The following ANKRD44 variants were observed in gnomAD, a reference collection of about 807,000 sequenced individuals.
ANKRD44 encodes serine/threonine-protein phosphatase 6 regulatory ankyrin repeat subunit B.
ANKRD44 carries 35 observed loss-of-function variants against 116.0 expected under a neutral mutation model. The ratio of observed to expected loss-of-function variants is 0.30; its 90% CI spans 0.23 to 0.40. ANKRD44 has a LOEUF of 0.40. ANKRD44 is among the 10% of genes least tolerant of loss of function. ANKRD44 has a pLI of 1.00. For synonymous variants in ANKRD44, 435 were observed against 461.8 expected (o/e 0.94, Z 0.74); for missense variants, 1,014 against 1,242.6 (o/e 0.82, Z 2.77).
chr2:197,025,102 G>A, intron 17 of ANKRD44, 94 bp downstream of exon 17: 1 of 1,266,576 alleles, frequency 7.9e-7, no homozygotes, highest in Non-Finnish European at 1.1e-6. Context: ...ACTCATCACT[G>A]TGTTACTACA....
chr2:196,979,635 C>T (rs1248397515), intron 21 of ANKRD44, among the ~76,000 whole-genome samples: 1 of 140,266 alleles, frequency 7.1e-6, no homozygotes, highest in Non-Finnish European at 1.5e-5. Flanking sequence ...GCAATCTCGG[C>T]TCACCACAAA....
chr2:197,012,533 T>C (rs2076318567), intron 18 of ANKRD44, among the ~76,000 whole-genome samples: 2 of 151,838 alleles, frequency 1.3e-5, no homozygotes, highest in Non-Finnish European at 2.9e-5. Context: ...TTACTAACCT[T>C]ATGGCTAACG....
chr2:197,193,598 G>A (rs946592704), intron 1 of ANKRD44, among the ~76,000 whole-genome samples: 4 of 152,076 alleles, frequency 2.6e-5, no homozygotes, highest in East Asian at 1.9e-4. Flanking sequence ...ATAACGTAAC[G>A]GCCAGGCGCG....
chr2:197,111,881 T>G (rs577440574), intron 8 of ANKRD44, among the ~76,000 whole-genome samples: 1 of 152,180 alleles, frequency 6.6e-6, no homozygotes, highest in Non-Finnish European at 1.5e-5. Flanking sequence ...TGCAACTGTT[T>G]AGGAAACTGC....
intron 16 of ANKRD44, among the ~76,000 whole-genome samples, chr2:197,032,193 T>C (rs1353077545): frequency 6.6e-6 from 1 of 152,150 alleles, no homozygotes; most frequent in Non-Finnish European, 1.5e-5. Context: ...GATCAGATTC[T>C]TGAGTTTTAT....
chr2:197,118,637 G>GAAAGAAAGAAAGAA (rs1553512574), intron 8 of ANKRD44, among the ~76,000 whole-genome samples: 5,919 of 112,064 alleles, frequency 0.053, 183 homozygotes, highest in African/African-American at 0.086. Context: ...GAGAGAGAGA[G>GAAAGAAAGAAAGAA]AGAAAGAAAG....
At chr2:197,276,627 T>C (rs1461592945) in intron 1 of ANKRD44, among the ~76,000 whole-genome samples, 4 of 152,224 alleles carry the variant, frequency 2.6e-5, no homozygotes, top group South Asian at 2.1e-4. Flanking sequence ...TTATTATAAA[T>C]TATTTTCATG....
At chr2:197,200,391 G>A (rs979158059) in intron 1 of ANKRD44, among the ~76,000 whole-genome samples, 3 of 152,148 alleles carry the variant, frequency 2.0e-5, no homozygotes, top group South Asian at 2.1e-4. Context: ...AAATGAGGCA[G>A]GGCACAGCAC....
intron 2 of ANKRD44, among the ~76,000 whole-genome samples, chr2:197,161,235 T>C (rs1483887111): frequency 1.3e-5 from 2 of 152,038 alleles, no homozygotes; most frequent in Admixed American, 1.3e-4. Context: ...TTTTCGAAGA[T>C]AAGGCATATG....
At chr2:197,249,528 T>C (rs2082271134) in intron 1 of ANKRD44, among the ~76,000 whole-genome samples, 1 of 152,200 alleles carries the variant, frequency 6.6e-6, no homozygotes, top group African/African-American at 2.4e-5. Flanking sequence ...AACATCTTAT[T>C]TATTTTAGAG....
chr2:197,019,701 T>C (rs1558995043), intron 17 of ANKRD44, among the ~76,000 whole-genome samples: 3 of 152,154 alleles, frequency 2.0e-5, no homozygotes, highest in Non-Finnish European at 4.4e-5. Flanking sequence ...ATTCCAAACA[T>C]AAACAAATAA....
At chr2:197,090,117 T>A in intron 10 of ANKRD44, 85 bp from the exon 11 acceptor site, 2 of 1,082,070 alleles carry the variant, frequency 1.8e-6, no homozygotes, top group Non-Finnish European at 2.8e-6. Flanking sequence ...GATTCTCTGA[T>A]GAAAATTAAC....
At chr2:197,040,364 G>C (rs970619390) in intron 16 of ANKRD44, among the ~76,000 whole-genome samples, 2 of 147,398 alleles carry the variant, frequency 1.4e-5, no homozygotes, top group Non-Finnish European at 3.0e-5. Context: ...TTTGTTTCCA[G>C]TGGAGGTAAG....
intron 16 of ANKRD44, among the ~76,000 whole-genome samples, chr2:197,074,392 A>T (rs1279314957): frequency 2.6e-5 from 1 of 38,308 alleles, no homozygotes. Flanking sequence ...ATGACCACCC[A>T]GTAGTTTTCC....
At chr2:197,280,935 C>A (rs1302725707) in intron 1 of ANKRD44, among the ~76,000 whole-genome samples, 1 of 151,694 alleles carries the variant, frequency 6.6e-6, no homozygotes, top group Non-Finnish European at 1.5e-5. Context: ...GTCAGTGGGG[C>A]CCAAAAAAGA....
At chr2:197,165,595 C>G (rs140747900) in intron 2 of ANKRD44, among the ~76,000 whole-genome samples, 12 of 152,296 alleles carry the variant, frequency 7.9e-5, no homozygotes, top group African/African-American at 2.9e-4. Context: ...TAGAGATGCT[C>G]AGAAAATGCT....
chr2:197,154,936 T>C (rs956304775), intron 2 of ANKRD44, among the ~76,000 whole-genome samples: 4 of 152,174 alleles, frequency 2.6e-5, no homozygotes, highest in Non-Finnish European at 5.9e-5. Flanking sequence ...ATATAGAAAA[T>C]ATAGATATAT....
chr2:197,087,083 A>G (rs2125163402), intron 12 of ANKRD44, among the ~76,000 whole-genome samples: 1 of 152,354 alleles, frequency 6.6e-6, no homozygotes, highest in African/African-American at 2.4e-5. Flanking sequence ...AAAACCGTCA[A>G]GAGTTTATGA....
intron 10 of ANKRD44, among the ~76,000 whole-genome samples, chr2:197,092,769 G>T (rs1268398450): frequency 6.6e-6 from 1 of 152,170 alleles, no homozygotes; most frequent in African/African-American, 2.4e-5. Flanking sequence ...TCTTGAACGG[G>T]CAGAGGGAGT....
Sources: gnomAD v4.1 joint callset for allele counts (sites outside exome capture counted in the v4.1 genomes callset) on GRCh38, gnomAD v4.1.1 for gene constraint, MANE v1.5 for transcripts, NCBI Gene and HGNC (gene_info 2026-07-23, HGNC 2026-07-21) for gene names.